The following ANKFN1 variants were observed in gnomAD, a reference collection of about 807,000 sequenced individuals.
ANKFN1 encodes ankyrin repeat and fibronectin type-III domain-containing protein 1.
Under a neutral mutation model 108.7 loss-of-function variants are expected in ANKFN1, and 74 were observed. The ratio of observed to expected loss-of-function variants is 0.68; its 90% CI spans 0.56 to 0.83. The LOEUF (loss-of-function observed/expected upper bound fraction) is 0.83, where lower values mean the gene tolerates loss of function less well. Ranked by LOEUF, ANKFN1 falls within the 40% of genes least tolerant of loss-of-function variation. The probability of loss-of-function intolerance (pLI) is 0.00; values close to 1 mark genes in which losing one functional copy is unlikely to be tolerated. For synonymous variants in ANKFN1, 547 were observed against 516.2 expected (o/e 1.06, Z -0.81); for missense variants, 1,505 against 1,382.3 (o/e 1.09, Z -1.41).
At chr17:56,432,478 C>G (rs893835156) in intron 8 of ANKFN1, among the ~76,000 whole-genome samples, 1 of 152,188 alleles carries the variant, frequency 6.6e-6, no homozygotes, top group Non-Finnish European at 1.5e-5. Flanking sequence ...CCTGTTCAGG[C>G]GTAATCTTTT....
In ANKFN1 at chr17:56,511,550, G is replaced by T; in HGVS notation, c.*281G>T. 2 of 361,742 alleles carry T rather than the reference G, an allele frequency of 5.5e-6. No individual in the cohort carries two copies. Among genetic ancestry groups the T allele is most frequent in the Non-Finnish European group, 1.0e-5 (2 of 200,180 alleles). The allele number at this position is 361,742 out of a possible 1,614,324, so 22.4% of individuals were successfully genotyped here. Reference sequence around the variant, plus strand: ...ACTCAAACATGCCACCCTGTTGGTGGCACCTATGACTGAAGCTGGCCATCC... The same window carrying T: ...ACTCAAACATGCCACCCTGTTGGTGTCACCTATGACTGAAGCTGGCCATCC... On this transcript the variant is annotated 3_prime_UTR_variant, in exon 21 of 21. Coordinates refer to ENST00000682825, the MANE Select transcript of ANKFN1 (RefSeq NM_001370326.1).
chr17:56,056,881 C>T lies in ANKFN1; in HGVS notation c.288+10556C>T, dbSNP rs559132504. ...GCATTGTTTGACTTTGACTCTCTTT[C>T]GCAAAATATTTCTCTGTAGCATATT... is the stretch of plus-strand genomic sequence containing the variant. On this transcript the variant is annotated intron_variant, in intron 4 of 12. Transcript: ENST00000635860. Among the ~76,000 whole-genome samples, 36 of 152,338 alleles carry T rather than the reference C, an allele frequency of 2.4e-4. No homozygotes were observed. The South Asian group carries it at 6.6e-3, about 28-fold the overall frequency.
At chr17:56,241,876 T>C (rs1917608124) in intron 3 of ANKFN1, among the ~76,000 whole-genome samples, 1 of 152,082 alleles carries the variant, frequency 6.6e-6, no homozygotes, top group Non-Finnish European at 1.5e-5. Context: ...ATAACCAAGA[T>C]GGCTATTAAG....
chr17:56,298,416 G>C (rs2044577385), intron 3 of ANKFN1, among the ~76,000 whole-genome samples: 1 of 152,136 alleles, frequency 6.6e-6, no homozygotes. Flanking sequence ...CATGTGTCAT[G>C]TCAACTCATA....
intron 1 of ANKFN1, among the ~76,000 whole-genome samples, chr17:56,173,485 C>A (rs1910859904): frequency 6.6e-6 from 1 of 152,284 alleles, no homozygotes; most frequent in South Asian, 2.1e-4. Context: ...CATGCGTCAC[C>A]TTGCCATATA....
chr17:56,190,497 T>C (rs1251823656), intron 1 of ANKFN1, among the ~76,000 whole-genome samples: 2 of 143,660 alleles, frequency 1.4e-5, no homozygotes, highest in Admixed American at 1.4e-4. Flanking sequence ...GAGCAGGTTG[T>C]TCAGTTTCCA....
chr17:56,507,397 C>T (rs1378466450), intron 20 of ANKFN1, among the ~76,000 whole-genome samples: 1 of 152,252 alleles, frequency 6.6e-6, no homozygotes, highest in East Asian at 1.9e-4. Flanking sequence ...GTCCTTCCAT[C>T]TTTCTCACTA....
chr17:56,162,325 T>C (rs573780431), intron 1 of ANKFN1, among the ~76,000 whole-genome samples: 6 of 152,230 alleles, frequency 3.9e-5, no homozygotes, highest in Non-Finnish European at 5.9e-5. Context: ...ATTTATTGTC[T>C]CTCAGTTCTG....
chr17:56,391,186 C>A (rs2047413490), intron 8 of ANKFN1, among the ~76,000 whole-genome samples: 1 of 143,450 alleles, frequency 7.0e-6, no homozygotes, highest in South Asian at 2.2e-4. Flanking sequence ...AAATCTGAGT[C>A]TTTGCAGGGT....
At chr17:56,170,789 T>C (rs1567816123) in intron 1 of ANKFN1, among the ~76,000 whole-genome samples, 1 of 64,388 alleles carries the variant, frequency 1.6e-5, no homozygotes, top group South Asian at 7.1e-4. Context: ...TATATATATA[T>C]ATATATATAT....
chr17:56,176,854 T>C (rs1911206507), intron 1 of ANKFN1, among the ~76,000 whole-genome samples: 1 of 152,200 alleles, frequency 6.6e-6, no homozygotes, highest in African/African-American at 2.4e-5. Flanking sequence ...TGATTACATA[T>C]TGTAAGAGAA....
chr17:56,275,838 G>A (rs1410062674), intron 3 of ANKFN1, among the ~76,000 whole-genome samples: 1 of 152,068 alleles, frequency 6.6e-6, no homozygotes, highest in African/African-American at 2.4e-5. Flanking sequence ...GATGAATAGG[G>A]CCTAGATCAG....
At chr17:56,104,730 G>T (rs1223792233) in intron 4 of ANKFN1, among the ~76,000 whole-genome samples, 3 of 152,226 alleles carry the variant, frequency 2.0e-5, no homozygotes, top group Non-Finnish European at 4.4e-5. Context: ...CTGTGCTTCT[G>T]CTCTGCTCCC....
intron 4 of ANKFN1, among the ~76,000 whole-genome samples, chr17:56,144,453 C>T (rs886263924): frequency 6.6e-6 from 1 of 152,312 alleles, no homozygotes; most frequent in East Asian, 1.9e-4. Flanking sequence ...CAACCTTTCT[C>T]TCTGAGTCCA....
At chr17:56,202,357 G>A (rs769619700) in intron 1 of ANKFN1, among the ~76,000 whole-genome samples, 1 of 152,112 alleles carries the variant, frequency 6.6e-6, no homozygotes, top group African/African-American at 2.4e-5. Context: ...AGTCTGGGTG[G>A]CTTTTGTATG....
intron 8 of ANKFN1, among the ~76,000 whole-genome samples, chr17:56,399,315 A>G (rs1038057478): frequency 4.6e-5 from 7 of 152,122 alleles, no homozygotes; most frequent in Non-Finnish European, 1.0e-4. Flanking sequence ...TTTATACCAT[A>G]GTATGGTTTA....
At chr17:56,368,697 A>G (rs2046730383) in intron 6 of ANKFN1, among the ~76,000 whole-genome samples, 1 of 151,956 alleles carries the variant, frequency 6.6e-6, no homozygotes, top group Non-Finnish European at 1.5e-5. Flanking sequence ...GGGTTTTGAC[A>G]CTTGTTGTCC....
chr17:56,052,296 C>T (rs1257347827), intron 4 of ANKFN1, among the ~76,000 whole-genome samples: 1 of 152,128 alleles, frequency 6.6e-6, no homozygotes, highest in Admixed American at 6.6e-5. Flanking sequence ...AGAAGCACTG[C>T]TTTACAAAAC....
intron 8 of ANKFN1, among the ~76,000 whole-genome samples, chr17:56,407,864 C>A (rs2047967344): frequency 6.7e-6 from 1 of 149,312 alleles, no homozygotes; most frequent in African/African-American, 2.4e-5. Context: ...CAACTGTTTT[C>A]AATATAAACT....
Sources: allele counts gnomAD v4.1 joint callset (sites outside exome capture counted in the v4.1 genomes callset), GRCh38; gene constraint gnomAD v4.1.1; transcripts MANE v1.5; gene names NCBI Gene and HGNC (gene_info 2026-07-23, HGNC 2026-07-21).